CAMKMT: variants seen among roughly 807,000 people sequenced by gnomAD.
The protein encoded by CAMKMT is calmodulin-lysine N-methyltransferase, also known as CaM KMT.
In CAMKMT, 53 loss-of-function variants were observed where a neutral mutation model predicts 48.0. That is an observed-to-expected ratio of 1.10 (90% CI 0.89 to 1.39). CAMKMT has a LOEUF of 1.39. Among genes scored for constraint, CAMKMT ranks in the 40% most tolerant of loss-of-function variants. The probability of loss-of-function intolerance (pLI) is 0.00; values close to 1 mark genes in which losing one functional copy is unlikely to be tolerated. For missense variants in CAMKMT, 428 were observed against 402.7 expected (o/e 1.06, Z -0.54); for synonymous variants, 165 against 152.3 (o/e 1.08, Z -0.61).
chr2:44,501,863 A>G (rs1670023341), intron 3 of CAMKMT, among the ~76,000 whole-genome samples: 1 of 152,048 alleles, frequency 6.6e-6, no homozygotes, highest in Non-Finnish European at 1.5e-5. Context: ...CAACCTGGGC[A>G]ATAGAGTAGC....
At chr2:44,373,748 A>G (rs749604266) in intron 2 of CAMKMT, among the ~76,000 whole-genome samples, 5 of 152,204 alleles carry the variant, frequency 3.3e-5, no homozygotes, top group Non-Finnish European at 5.9e-5. Context: ...AAAACATAAT[A>G]GCTAAAAATT....
intron 3 of CAMKMT, among the ~76,000 whole-genome samples, chr2:44,413,434 A>G (rs1683344194): frequency 1.3e-5 from 2 of 152,016 alleles, no homozygotes; most frequent in Non-Finnish European, 1.5e-5. Context: ...CGGGTGGATC[A>G]TGAGGTCAGG....
intron 3 of CAMKMT, among the ~76,000 whole-genome samples, chr2:44,541,805 A>C (rs1164824136): frequency 6.6e-6 from 1 of 151,594 alleles, no homozygotes; most frequent in Non-Finnish European, 1.5e-5. Context: ...ATATATTTTT[A>C]CTAAGACTAT....
rs537857811 is a variant in CAMKMT, at chr2:44,419,603, A to G, written c.376+29298A>G. 2.0e-5 allele frequency among the ~76,000 whole-genome samples: 3 copies of G among 152,348 alleles called. No individual in the cohort carries two copies. The South Asian group carries it at 6.2e-4, about 32-fold the overall frequency. On this transcript the variant is annotated intron_variant, in intron 3 of 10. Transcript: ENST00000378494. ...TTTAACCCAATGTTGTTGTTAAAAGACAGTCTCGCTCTGTCACCCAGCCTG... is the reference window on the plus strand; with the variant it reads ...TTTAACCCAATGTTGTTGTTAAAAGGCAGTCTCGCTCTGTCACCCAGCCTG...
chr2:44,688,775 G>A (rs999459407), intron 3 of CAMKMT, among the ~76,000 whole-genome samples: 13 of 152,154 alleles, frequency 8.5e-5, no homozygotes, highest in Non-Finnish European at 1.8e-4. Flanking sequence ...TGGAATAAAT[G>A]CAGTGTGATA....
rs1487789970 is a variant in CAMKMT, at chr2:44,410,247, A to ATATTT, written c.376+19943_376+19944insATTTT. Among the ~76,000 whole-genome samples, 4 of 19,484 alleles carry ATATTT rather than the reference A, an allele frequency of 2.1e-4. 1 individual carries two copies. The highest frequency in any genetic ancestry group is 6.9e-4 in the African/African-American group (4 of 5,836). The allele number at this position is 19,484 out of a possible 152,430, so 12.8% of individuals were successfully genotyped here. A position where few individuals can be genotyped will look rare whatever the true frequency, so the allele number is the denominator to read the frequency against. ...CAGGTATCAGTATATATATATATAT[A>ATATTT]TTTTTTTTTTTTTTTTTTTTTTTTT... On this transcript the variant is annotated intron_variant, in intron 3 of 10. Transcript: ENST00000378494.
In CAMKMT at chr2:44,409,433, T is replaced by A. The variant is rs185270093; in HGVS notation, c.376+19128T>A. Among the ~76,000 whole-genome samples, 162 of 152,274 alleles carry A rather than the reference T, an allele frequency of 1.1e-3. 1 individual carries two copies. Among genetic ancestry groups the A allele is most frequent in the African/African-American group, 3.9e-3 (161 of 41,578 alleles). ...ACAAATTAGGTATTGGCTGGTTTTTTATCTCCTCTTGAAATTTCACATGAA... is the reference window on the plus strand; with the variant it reads ...ACAAATTAGGTATTGGCTGGTTTTTAATCTCCTCTTGAAATTTCACATGAA... On this transcript the variant is annotated intron_variant, in intron 3 of 10. Coordinates refer to ENST00000378494, the MANE Select transcript of CAMKMT (RefSeq NM_024766.5).
At chr2:44,392,644 G>T (rs756428091) in intron 3 of CAMKMT, among the ~76,000 whole-genome samples, 4 of 151,984 alleles carry the variant, frequency 2.6e-5, no homozygotes, top group Non-Finnish European at 4.4e-5. Context: ...GACATATAAA[G>T]ATGTGTCTAA....
At chr2:44,622,922 A>G (rs1157583377) in intron 3 of CAMKMT, among the ~76,000 whole-genome samples, 2 of 152,178 alleles carry the variant, frequency 1.3e-5, no homozygotes, top group Admixed American at 6.5e-5. Context: ...ACTTCTGTCC[A>G]TGATGGTTGA....
At chr2:44,672,210 G>A (rs1255739499) in intron 3 of CAMKMT, among the ~76,000 whole-genome samples, 1 of 152,124 alleles carries the variant, frequency 6.6e-6, no homozygotes, top group Non-Finnish European at 1.5e-5. Flanking sequence ...TGTATAATGG[G>A]GAGATAGCCG....
At position 44,734,606 on chromosome 2, in the gene CAMKMT, T is replaced by C. The variant is rs1446777562; in HGVS notation, c.624-9016T>C. ...ATTTTTGTATTTTTAGTATAGATGG[T>C]GTTTCACCATATTGGCCAGGCTGGT... On this transcript the variant is annotated intron_variant, in intron 7 of 10. Coordinates refer to ENST00000378494, the MANE Select transcript of CAMKMT (RefSeq NM_024766.5). Among the ~76,000 whole-genome samples the C allele has an allele frequency of 3.3e-5, 5 of 151,988 alleles. No homozygotes were observed. The East Asian group carries it at 5.8e-4, about 18-fold the overall frequency.
intron 3 of CAMKMT, among the ~76,000 whole-genome samples, chr2:44,393,948 A>G (rs1410660555): frequency 6.6e-6 from 1 of 152,206 alleles, no homozygotes; most frequent in Admixed American, 6.5e-5. Context: ...TGTAATTCTC[A>G]GTGCTTACTT....
intron 3 of CAMKMT, among the ~76,000 whole-genome samples, chr2:44,560,431 C>T (rs1259129468): frequency 1.3e-5 from 2 of 152,184 alleles, no homozygotes; most frequent in African/African-American, 4.8e-5. Context: ...CTATGCCCAG[C>T]TAATTTTTTA....
intron 3 of CAMKMT, among the ~76,000 whole-genome samples, chr2:44,660,297 C>T (rs932329678): frequency 1.3e-5 from 2 of 152,068 alleles, no homozygotes; most frequent in East Asian, 3.9e-4. Context: ...GTGAAAAGGG[C>T]AAATATGTAT....
intron 3 of CAMKMT, among the ~76,000 whole-genome samples, chr2:44,641,400 C>T (rs965980543): frequency 1.3e-5 from 2 of 152,120 alleles, no homozygotes; most frequent in African/African-American, 4.8e-5. Context: ...GTATTAGGAA[C>T]AGCAGTTTTC....
At chr2:44,437,025 T>G (rs567363082) in intron 3 of CAMKMT, among the ~76,000 whole-genome samples, 1 of 152,312 alleles carries the variant, frequency 6.6e-6, no homozygotes, top group Non-Finnish European at 1.5e-5. Context: ...CATTTTAGTT[T>G]CATACCTGAG....
At chr2:44,601,412 C>T (rs925136876) in intron 3 of CAMKMT, among the ~76,000 whole-genome samples, 54 of 152,068 alleles carry the variant, frequency 3.6e-4, no homozygotes, top group Admixed American at 2.1e-3. Context: ...GCCAAGATTG[C>T]GCCATTGCAC....
rs189419658 is a variant in CAMKMT at position 44,703,559 on chromosome 2, C to T, written c.377-724C>T. 3.3e-5 allele frequency among the ~76,000 whole-genome samples: 5 copies of T among 152,140 alleles called. No individual in the cohort carries two copies. The East Asian group carries it at 9.7e-4, about 29-fold the overall frequency. On this transcript the variant is annotated intron_variant, in intron 3 of 10. Transcript: ENST00000378494. ...CTTTGGGAGGCCGAGGCAGGCAGATCACGAGGTCAGGAGTTCGAGACCAGC... is the reference window on the plus strand; with the variant it reads ...CTTTGGGAGGCCGAGGCAGGCAGATTACGAGGTCAGGAGTTCGAGACCAGC...
In CAMKMT at chr2:44,624,158, C is replaced by G. The variant is rs369570037; in HGVS notation, c.377-80125C>G. Among the ~76,000 whole-genome samples the G allele has an allele frequency of 5.9e-5, 9 of 152,172 alleles. 1 individual carries two copies. In the South Asian group the frequency reaches 1.9e-3, roughly 32 times the overall value. On this transcript the variant is annotated intron_variant, in intron 3 of 10. Transcript: ENST00000378494. ...CTACAGAATGGGAGAAAAATGAATACTGTTGATAAAAAGTTGGGTTGTTTC... is the reference window on the plus strand; with the variant it reads ...CTACAGAATGGGAGAAAAATGAATAGTGTTGATAAAAAGTTGGGTTGTTTC...
Sources: allele counts gnomAD v4.1 joint callset (sites outside exome capture counted in the v4.1 genomes callset), GRCh38; gene constraint gnomAD v4.1.1; transcripts MANE v1.5; gene names NCBI Gene and HGNC (gene_info 2026-07-23, HGNC 2026-07-21).